Variants in PDGFC observed in about 807,000 individuals in gnomAD.
PDGFC encodes platelet derived growth factor C.
In PDGFC, 12 loss-of-function variants were observed where a neutral mutation model predicts 35.5. That is an observed-to-expected ratio of 0.34 (90% CI 0.22 to 0.55). The LOEUF (loss-of-function observed/expected upper bound fraction) is 0.55. Ranked by LOEUF, PDGFC falls within the 20% of genes least tolerant of loss-of-function variation. PDGFC has a pLI of 0.91. For missense variants in PDGFC, 322 were observed against 412.4 expected (o/e 0.78, Z 1.90); for synonymous variants, 159 against 148.8 (o/e 1.07, Z -0.50).
Position 156,891,033 on chromosome 4 carries a change from T to C in PDGFC, c.119-40617A>G, listed in dbSNP as rs138850921. Among the ~76,000 whole-genome samples the C allele has an allele frequency of 7.4e-4, 113 of 152,160 alleles. 3 individuals carry two copies. Among genetic ancestry groups the C allele is most frequent in the African/African-American group, 2.2e-3 (92 of 41,522 alleles). ...CATCATACAGGTCATAAAACCTTTA[T>C]GTAAAAGCCTTCTACACACCTGCAC... On this transcript the variant is annotated intron_variant, in intron 1 of 5. Transcript: ENST00000502773.
intron 1 of PDGFC, among the ~76,000 whole-genome samples, chr4:156,955,412 C>G (rs1349264342): frequency 6.6e-6 from 1 of 151,884 alleles, no homozygotes; most frequent in East Asian, 1.9e-4. Context: ...AAAAAGATAA[C>G]TACGTGAGGT....
At chr4:156,884,326 C>T (rs1730324407) in intron 1 of PDGFC, among the ~76,000 whole-genome samples, 1 of 152,186 alleles carries the variant, frequency 6.6e-6, no homozygotes, top group Non-Finnish European at 1.5e-5. Context: ...CCAGTCGAGG[C>T]TTGCATGAAA....
At chr4:156,809,284 T>C (rs1330154538) in intron 3 of PDGFC, among the ~76,000 whole-genome samples, 2 of 152,074 alleles carry the variant, frequency 1.3e-5, no homozygotes, top group African/African-American at 4.8e-5. Flanking sequence ...ACCAATGACA[T>C]ACATTTGGCC....
intron 3 of PDGFC, among the ~76,000 whole-genome samples, chr4:156,777,140 T>C (rs1001352241): frequency 5.3e-5 from 8 of 152,190 alleles, no homozygotes; most frequent in Non-Finnish European, 1.0e-4. Context: ...TACATTTACA[T>C]ATATATATAA....
At chr4:156,873,603 G>GA (rs1401570908) in intron 1 of PDGFC, among the ~76,000 whole-genome samples, 3 of 152,050 alleles carry the variant, frequency 2.0e-5, no homozygotes, top group African/African-American at 4.8e-5. Context: ...CCCAATGTAA[G>GA]AAAAAATATT....
intron 1 of PDGFC, among the ~76,000 whole-genome samples, chr4:156,853,252 A>C (rs1157722396): frequency 1.3e-5 from 2 of 152,324 alleles, no homozygotes; most frequent in East Asian, 3.9e-4. Context: ...AAATATGTTA[A>C]CATTATTTCA....
intron 3 of PDGFC, among the ~76,000 whole-genome samples, chr4:156,796,626 T>G (rs1731449920): frequency 6.6e-6 from 1 of 151,812 alleles, no homozygotes; most frequent in African/African-American, 2.4e-5. Flanking sequence ...GATTTCACTA[T>G]AATTTTTCCC....
chr4:156,924,398 T>C (rs1240096381), intron 1 of PDGFC, among the ~76,000 whole-genome samples: 5 of 152,174 alleles, frequency 3.3e-5, no homozygotes, highest in Non-Finnish European at 2.9e-5. Context: ...GCTTTCCTAG[T>C]TCTCAAAATT....
chr4:156,851,531 C>T (rs1729452351), intron 1 of PDGFC, among the ~76,000 whole-genome samples: 1 of 151,994 alleles, frequency 6.6e-6, no homozygotes, highest in African/African-American at 2.4e-5. Flanking sequence ...TTCCTATACC[C>T]AACCAGTTGA....
At chr4:156,785,826 A>G (rs1731108651) in intron 3 of PDGFC, among the ~76,000 whole-genome samples, 1 of 152,206 alleles carries the variant, frequency 6.6e-6, no homozygotes, top group East Asian at 1.9e-4. Flanking sequence ...AGTCACAGTG[A>G]GATTTAATAA....
intron 3 of PDGFC, among the ~76,000 whole-genome samples, chr4:156,801,059 A>G (rs1358596216): frequency 6.6e-6 from 1 of 152,176 alleles, no homozygotes; most frequent in African/African-American, 2.4e-5. Flanking sequence ...TTACTCTTGC[A>G]GATAGCATCA....
intron 1 of PDGFC, among the ~76,000 whole-genome samples, chr4:156,950,836 G>A (rs914815845): frequency 2.0e-5 from 3 of 151,650 alleles, no homozygotes; most frequent in African/African-American, 7.3e-5. Flanking sequence ...TCTAGAAATT[G>A]GCAAAAAGAG....
intron 1 of PDGFC, among the ~76,000 whole-genome samples, chr4:156,926,886 C>T (rs1359467894): frequency 6.6e-6 from 1 of 152,144 alleles, no homozygotes; most frequent in Non-Finnish European, 1.5e-5. Context: ...TGTGTGGGGG[C>T]TCTGACCCCA....
intron 1 of PDGFC, among the ~76,000 whole-genome samples, chr4:156,960,475 A>G (rs1371924144): frequency 2.6e-5 from 4 of 151,184 alleles, no homozygotes; most frequent in South Asian, 2.1e-4. Flanking sequence ...GTGTGTGTGT[A>G]TATCTATATA....
At chr4:156,947,648 G>C (rs1466320842) in intron 1 of PDGFC, among the ~76,000 whole-genome samples, 1 of 152,028 alleles carries the variant, frequency 6.6e-6, no homozygotes, top group Non-Finnish European at 1.5e-5. Context: ...ACAGCAAAAA[G>C]AGGTCTAAGA....
chr4:156,951,731 GAAAAAAAA>G lies in PDGFC; in HGVS notation c.118+19047_118+19054del, dbSNP rs776491759. ...GCCTGAATATCCACTCTACCTTATA[GAAAAAAAA>G]AAAAAAACAAAAAACCCTCGTTTTC... On this transcript the variant is annotated intron_variant, in intron 1 of 5. Transcript: ENST00000502773. 5.9e-3 allele frequency among the ~76,000 whole-genome samples: 652 copies of G among 110,770 alleles called. 2 individuals are homozygous for G. Among genetic ancestry groups the G allele is most frequent in the African/African-American group, 0.019 (633 of 32,902 alleles). 72.7% of individuals were successfully genotyped at this position (110,770 alleles called of 152,430 possible). A position where few individuals can be genotyped will look rare whatever the true frequency, so the allele number is the denominator to read the frequency against.
intron 2 of PDGFC, among the ~76,000 whole-genome samples, chr4:156,838,293 T>C (rs919431402): frequency 6.6e-6 from 1 of 152,206 alleles, no homozygotes; most frequent in African/African-American, 2.4e-5. Flanking sequence ...CCACCAATCA[T>C]AGGACAACAG....
At chr4:156,787,036 A>G (rs1731147758) in intron 3 of PDGFC, among the ~76,000 whole-genome samples, 1 of 152,206 alleles carries the variant, frequency 6.6e-6, no homozygotes, top group Non-Finnish European at 1.5e-5. Flanking sequence ...CATGGGCTAG[A>G]TACATAAATT....
intron 1 of PDGFC, among the ~76,000 whole-genome samples, chr4:156,874,453 C>A (rs1730061066): frequency 6.6e-6 from 1 of 152,050 alleles, no homozygotes; most frequent in Admixed American, 6.6e-5. Flanking sequence ...AAGATAGTCC[C>A]TAAAAACGAT....
Sources: allele counts gnomAD v4.1 joint callset (sites outside exome capture counted in the v4.1 genomes callset), GRCh38; gene constraint gnomAD v4.1.1; transcripts MANE v1.5; gene names NCBI Gene and HGNC (gene_info 2026-07-23, HGNC 2026-07-21).